The following CHD1 variants were observed in gnomAD, a reference collection of about 807,000 sequenced individuals.
CHD1 encodes the protein chromodomain helicase DNA binding protein 1, also known as ATP-dependent chromatin remodeler CHD1.
Under a neutral mutation model 224.2 loss-of-function variants are expected in CHD1, and 36 were observed. That is an observed-to-expected ratio of 0.16 (90% CI 0.12 to 0.21). CHD1 has a LOEUF of 0.21. Among genes scored for constraint, CHD1 ranks in the 10% least tolerant of loss-of-function variants. The pLI, the probability that CHD1 is intolerant of heterozygous loss-of-function variation, is 1.00. For synonymous variants in CHD1, 668 were observed against 658.3 expected, an observed-to-expected ratio of 1.01 and a Z score of -0.23; for missense variants, 1,378 against 1,994.8, an observed-to-expected ratio of 0.69 and a Z score of 5.89.
Position 98,898,203 on chromosome 5 carries a change from T to G in CHD1, c.1365+53A>C, listed in dbSNP as rs1247578990. On this transcript the variant is annotated intron_variant, in intron 10 of 35. Coordinates refer to ENST00000614616, the MANE Select transcript of CHD1 (RefSeq NM_001270.4). ...ACTCTTGTATTTAGGCTTGTAAATATTTATAATGTATAAATATATTTTTAA... is the reference window on the plus strand; with the variant it reads ...ACTCTTGTATTTAGGCTTGTAAATAGTTATAATGTATAAATATATTTTTAA... 3.0e-6 allele frequency: 3 copies of G among 987,832 alleles called. No individual in the cohort carries two copies. In the African/African-American group the frequency reaches 5.1e-5, roughly 17 times the overall value. The allele number at this position is 987,832 out of a possible 1,614,324, so 61.2% of individuals were successfully genotyped here. A position where few individuals can be genotyped will look rare whatever the true frequency, so the allele number is the denominator to read the frequency against.
At chr5:98,917,556 C>T (rs1752818235) in intron 2 of CHD1, among the ~76,000 whole-genome samples, 1 of 152,170 alleles carries the variant, frequency 6.6e-6, no homozygotes, top group Non-Finnish European at 1.5e-5. Context: ...TGAAAACAAA[C>T]ACTTGTATTT....
intron 2 of CHD1, among the ~76,000 whole-genome samples, chr5:98,909,118 ACTT>A (rs1752228663): frequency 6.6e-6 from 1 of 152,184 alleles, no homozygotes; most frequent in Non-Finnish European, 1.5e-5. Context: ...TTAAAAGATC[ACTT>A]CGTTAATATT....
chr5:98,869,015 T>G, intron 30 of CHD1: 1 of 847,626 alleles, frequency 1.2e-6, no homozygotes, highest in Non-Finnish European at 1.4e-6. Context: ...TTTGCATACC[T>G]TTTCTTCCTT....
intron 12 of CHD1, among the ~76,000 whole-genome samples, chr5:98,895,112 T>A (rs1580452876): frequency 6.6e-6 from 1 of 152,214 alleles, no homozygotes; most frequent in Non-Finnish European, 1.5e-5. Flanking sequence ...TGAGCCGGCA[T>A]GCCCGGCCAG....
At chr5:98,859,867 TTTATC>T in intron 33 of CHD1, 100 bp downstream of exon 33, 1 of 581,256 alleles carries the variant, frequency 1.7e-6, no homozygotes. Context: ...ATTTTTTAAA[TTTATC>T]TTATTCATTC....
intron 2 of CHD1, among the ~76,000 whole-genome samples, chr5:98,922,397 A>T (rs549320038): frequency 1.1e-3 from 173 of 152,336 alleles, no homozygotes; most frequent in Non-Finnish European, 2.0e-3. Context: ...TAGCATAGCA[A>T]AAGAGACATA....
chr5:98,881,160 T>C lies in CHD1; in HGVS notation c.2976A>G (p.Ile992Met), dbSNP rs1234477331. The change falls in exon 22 of 36, where the codon ATA becomes ATG. Residue 992 changes from isoleucine to methionine, a missense_variant. Physicochemically the swap from Ile to Met is conservative, Grantham distance 10 (BLOSUM62 1). Around this residue, in one of 16 missense-constraint regions of CHD1, gnomAD observed 286 missense variants for 445.1 expected, o/e 0.64. Transcript: ENST00000614616. ...TTTCAGCTCTCTTCAAGATTTCATC[T>C]ATATCCATTTCCTATAATTAAAAAG... ...GEEQEPQEMD[I>M]DEILKRAETH... is the part of the protein sequence containing the mutation. 2.5e-6 allele frequency: 4 copies of C among 1,595,834 alleles called. No homozygotes were observed. Among genetic ancestry groups the C allele is most frequent in the Non-Finnish European group, 3.4e-6 (4 of 1,167,512 alleles).
At chr5:98,909,381 T>C (rs1752246816) in intron 2 of CHD1, among the ~76,000 whole-genome samples, 1 of 152,198 alleles carries the variant, frequency 6.6e-6, no homozygotes, top group African/African-American at 2.4e-5. Flanking sequence ...ATACGTGGTG[T>C]TGTGGACTTC....
At chr5:98,865,961 A>C (rs988190114) in intron 31 of CHD1, among the ~76,000 whole-genome samples, 1 of 152,190 alleles carries the variant, frequency 6.6e-6, no homozygotes, top group African/African-American at 2.4e-5. Context: ...GGGGGGAAAA[A>C]AAGGTGGCAA....
At chr5:98,878,851 T>C (rs1348853429) in intron 23 of CHD1, among the ~76,000 whole-genome samples, 1 of 152,212 alleles carries the variant, frequency 6.6e-6, no homozygotes, top group African/African-American at 2.4e-5. Flanking sequence ...TCAGAAAAAG[T>C]AACGCTTAAA....
intron 2 of CHD1, among the ~76,000 whole-genome samples, chr5:98,912,396 A>G (rs894332935): frequency 6.6e-6 from 1 of 152,212 alleles, no homozygotes; most frequent in Non-Finnish European, 1.5e-5. Context: ...CAAACTGGGC[A>G]CGGTGGCTCA....
intron 1 of CHD1, among the ~76,000 whole-genome samples, chr5:98,927,564 T>C (rs1213542514): frequency 1.3e-5 from 2 of 152,238 alleles, no homozygotes; most frequent in South Asian, 2.1e-4. Context: ...TACTGTCCAG[T>C]AGACTCTGCA....
chr5:98,918,795 C>A (rs1408203484), intron 2 of CHD1, among the ~76,000 whole-genome samples: 2 of 151,080 alleles, frequency 1.3e-5, no homozygotes, highest in African/African-American at 4.9e-5. Flanking sequence ...CTCTCCAACA[C>A]CCTTCTGAAT....
intron 3 of CHD1, among the ~76,000 whole-genome samples, chr5:98,904,122 C>A (rs1020147704): frequency 2.6e-5 from 4 of 152,084 alleles, no homozygotes; most frequent in Non-Finnish European, 5.9e-5. Flanking sequence ...TTGAGTTCCA[C>A]AGACAATATT....
At chr5:98,884,669 T>A (rs567096640) in intron 18 of CHD1, among the ~76,000 whole-genome samples, 116 of 151,638 alleles carry the variant, frequency 7.6e-4, no homozygotes, top group Admixed American at 3.3e-3. Context: ...ATAAAAAAAA[T>A]TTTTTTTAAA....
chr5:98,893,712 A>G (rs1009527550), intron 13 of CHD1, 106 bp from the exon 14 acceptor site: 85 of 720,734 alleles, frequency 1.2e-4, no homozygotes, highest in African/African-American at 9.3e-4. Flanking sequence ...AATTAAAAAC[A>G]AACTTTGTCT....
At chr5:98,875,856 T>C (rs1749707787) in intron 24 of CHD1, among the ~76,000 whole-genome samples, 1 of 152,226 alleles carries the variant, frequency 6.6e-6, no homozygotes, top group African/African-American at 2.4e-5. Flanking sequence ...TAAGCTGTTA[T>C]CCCATTCCTC....
chr5:98,914,270 G>C (rs1379980571), intron 2 of CHD1, among the ~76,000 whole-genome samples: 1 of 152,194 alleles, frequency 6.6e-6, no homozygotes, highest in Non-Finnish European at 1.5e-5. Context: ...ATTAAGAAGA[G>C]TAAGGCTGTC....
In CHD1 at chr5:98,903,887, TACTAGG is replaced by T; in HGVS notation, c.271_276del (p.Pro91_Ser92del). The T allele has an allele frequency of 6.2e-7, 1 of 1,606,412 alleles. No homozygotes were observed. Among genetic ancestry groups the T allele is most frequent in the Non-Finnish European group, 8.5e-7 (1 of 1,175,264 alleles). Reference sequence around the variant, plus strand: ...ATTGCAGATCTCTGAACGGCCAGAATACTAGGACTAGATTTCCAAAACTATAATAGA... The same window carrying T: ...ATTGCAGATCTCTGAACGGCCAGAATACTAGATTTCCAAAACTATAATAGA... On this transcript the variant is annotated inframe_deletion, in exon 4 of 36. Transcript: ENST00000614616.
Sources: gnomAD v4.1 joint callset for allele counts (sites outside exome capture counted in the v4.1 genomes callset) on GRCh38, gnomAD v4.1.1 for gene constraint, gnomAD v4.1.1 regional missense constraint, MANE v1.5 for transcripts, NCBI Gene and HGNC (gene_info 2026-07-23, HGNC 2026-07-21) for gene names.